ALK: variants seen among roughly 807,000 people sequenced by gnomAD.
ALK encodes the protein ALK receptor tyrosine kinase, also known as ALK tyrosine kinase receptor.
Under a neutral mutation model 163.1 loss-of-function variants are expected in ALK, and 74 were observed. The observed-to-expected ratio is 0.45, with a 90% CI of 0.38 to 0.55. ALK has a LOEUF of 0.55. Among genes scored for constraint, ALK ranks in the 20% least tolerant of loss-of-function variants. The pLI, the probability that ALK is intolerant of heterozygous loss-of-function variation, is 0.00. For synonymous variants in ALK, 960 were observed against 843.2 expected (o/e 1.14, Z -2.40); for missense variants, 2,063 against 2,105.3 (o/e 0.98, Z 0.39).
In ALK at chr2:29,223,476, G is replaced by A. The variant is rs1669865494; in HGVS notation, c.3225C>T (p.Ser1075=). The A allele has an allele frequency of 6.2e-7, 1 of 1,614,104 alleles. No individual in the cohort carries two copies. The highest frequency in any genetic ancestry group is 8.5e-7 in the Non-Finnish European group (1 of 1,180,032). ...ELQAMQMELQ[S]PEYKLSKLRT... ...GGAGCTTGCTCAGCTTGTACTCAGG[G>A]CTCTGCAGCTCCATCTGCATGGCTT... The change falls in exon 20 of 29, where the codon AGC becomes AGT. Residue 1075 remains serine (S), a synonymous_variant. Transcript: ENST00000389048.
At chr2:29,210,743 C>T (rs1289348850) in intron 24 of ALK, among the ~76,000 whole-genome samples, 1 of 152,124 alleles carries the variant, frequency 6.6e-6, no homozygotes, top group African/African-American at 2.4e-5. Flanking sequence ...TTCTTTTGTC[C>T]ATGATTTTAT....
At chr2:29,429,911 C>T (rs1222118120) in intron 4 of ALK, among the ~76,000 whole-genome samples, 1 of 152,094 alleles carries the variant, frequency 6.6e-6, no homozygotes, top group Non-Finnish European at 1.5e-5. Context: ...AATAAACCCT[C>T]AAATTTGTGG....
intron 27 of ALK, among the ~76,000 whole-genome samples, chr2:29,197,175 C>G (rs1158906066): frequency 6.6e-6 from 1 of 152,148 alleles, no homozygotes; most frequent in African/African-American, 2.4e-5. Context: ...GTGAGGGGTG[C>G]CAGGCAGGGC....
intron 4 of ALK, among the ~76,000 whole-genome samples, chr2:29,485,349 A>G (rs1671754438): frequency 1.3e-5 from 2 of 152,102 alleles, no homozygotes; most frequent in African/African-American, 4.8e-5. Flanking sequence ...TTTTTAATTC[A>G]TTTTGATTTT....
chr2:29,802,632 T>C (rs1664513758), intron 1 of ALK, among the ~76,000 whole-genome samples: 1 of 148,888 alleles, frequency 6.7e-6, no homozygotes, highest in Non-Finnish European at 1.5e-5. Flanking sequence ...CCCAAATCTA[T>C]ATTCAGGGTA....
chr2:29,251,053 G>A (rs1573160334), intron 12 of ALK, 52 bp downstream of exon 12: 1 of 1,591,126 alleles, frequency 6.3e-7, no homozygotes, highest in East Asian at 2.3e-5. Flanking sequence ...AAGACTCCAG[G>A]CTTCTTCGGA....
chr2:29,575,784 G>C (rs1308238568), intron 3 of ALK, among the ~76,000 whole-genome samples: 1 of 152,192 alleles, frequency 6.6e-6, no homozygotes, highest in African/African-American at 2.4e-5. Flanking sequence ...GCAGAAGATT[G>C]CTCTTCTGCA....
chr2:29,920,357 C>T lies in ALK; in HGVS notation c.303G>A (p.Leu101=), dbSNP rs1305432880. 1.3e-6 allele frequency: 2 copies of T among 1,553,960 alleles called. No individual in the cohort carries two copies. The highest frequency in any genetic ancestry group is 1.2e-5 in the South Asian group (1 of 84,908). The change falls in exon 1 of 29, where the codon TTG becomes TTA. Residue 101 remains leucine (L), a synonymous_variant. Transcript: ENST00000389048. The part of the protein sequence containing the change: ...LALDCAPLLR[L]LGPAPGVSWT... ...AGGAGACCCCCGGCGCCGGCCCCAG[C>T]AACCTGAGCAGCGGGGCGCAGTCCA... is the stretch of plus-strand genomic sequence containing the variant.
At chr2:29,326,143 G>A (rs1309353695) in intron 6 of ALK, among the ~76,000 whole-genome samples, 1 of 152,106 alleles carries the variant, frequency 6.6e-6, no homozygotes, top group Non-Finnish European at 1.5e-5. Context: ...TTTCAAATGT[G>A]GCTGAAAAAG....
intron 5 of ALK, among the ~76,000 whole-genome samples, chr2:29,344,931 C>T (rs1406611683): frequency 6.6e-6 from 1 of 152,168 alleles, no homozygotes; most frequent in African/African-American, 2.4e-5. Context: ...GGAATAGTGA[C>T]TTGTCTGTGT....
At chr2:29,690,455 T>C (rs1436826750) in intron 3 of ALK, among the ~76,000 whole-genome samples, 3 of 152,132 alleles carry the variant, frequency 2.0e-5, no homozygotes, top group Non-Finnish European at 4.4e-5. Context: ...GCTGAGAGTG[T>C]GTTTTCCATT....
intron 25 of ALK, among the ~76,000 whole-genome samples, chr2:29,209,064 C>G (rs945062394): frequency 6.6e-6 from 1 of 152,168 alleles, no homozygotes; most frequent in Non-Finnish European, 1.5e-5. Flanking sequence ...GCATCCTGCC[C>G]GACCTGGGAT....
At chr2:29,803,257 C>A (rs954615748) in intron 1 of ALK, among the ~76,000 whole-genome samples, 1 of 152,186 alleles carries the variant, frequency 6.6e-6, no homozygotes, top group African/African-American at 2.4e-5. Flanking sequence ...AGCTTCTGAA[C>A]AACCTAGCCC....
intron 4 of ALK, among the ~76,000 whole-genome samples, chr2:29,468,446 T>C (rs1218725617): frequency 1.3e-5 from 2 of 152,118 alleles, no homozygotes; most frequent in Admixed American, 6.5e-5. Flanking sequence ...TGAGGAGCCA[T>C]GGAGATACAG....
chr2:29,374,668 G>A (rs912720327), intron 5 of ALK, among the ~76,000 whole-genome samples: 3 of 152,182 alleles, frequency 2.0e-5, no homozygotes, highest in Non-Finnish European at 4.4e-5. Flanking sequence ...GTGCGCTGCA[G>A]GGGGCGCAGA....
In ALK at chr2:29,441,419, G is replaced by A. The variant is rs574861365; in HGVS notation, c.1155-57560C>T. 5.1e-4 allele frequency among the ~76,000 whole-genome samples: 77 copies of A among 152,326 alleles called. No homozygotes were observed. In the South Asian group the frequency reaches 6.0e-3, roughly 12 times the overall value. On this transcript the variant is annotated intron_variant, in intron 4 of 28. Transcript: ENST00000389048. ...CCCGCCCTGGCTGGGGGACATGTAG[G>A]AATGGGGCAGGCATGCAGGGGCCAT... is the stretch of plus-strand genomic sequence containing the variant.
intron 1 of ALK, among the ~76,000 whole-genome samples, chr2:29,763,736 T>C (rs1437547848): frequency 1.3e-5 from 2 of 152,138 alleles, no homozygotes; most frequent in Non-Finnish European, 2.9e-5. Context: ...CACACTTAGT[T>C]ATGATTTGTC....
chr2:29,580,419 A>C (rs1375668183), intron 3 of ALK, among the ~76,000 whole-genome samples: 1 of 152,162 alleles, frequency 6.6e-6, no homozygotes, highest in Non-Finnish European at 1.5e-5. Context: ...CCAAACCGCA[A>C]GGCCACCGCT....
At chr2:29,499,737 G>T (rs1353080831) in intron 4 of ALK, among the ~76,000 whole-genome samples, 11 of 151,918 alleles carry the variant, frequency 7.2e-5, no homozygotes, top group Non-Finnish European at 1.5e-4. Context: ...GAACCACCTT[G>T]CATGGAGTTC....
Sources: gnomAD v4.1 joint callset for allele counts (sites outside exome capture counted in the v4.1 genomes callset) on GRCh38, gnomAD v4.1.1 for gene constraint, MANE v1.5 for transcripts, NCBI Gene and HGNC (gene_info 2026-07-23, HGNC 2026-07-21) for gene names.